The following MAP3K10 variants were observed in gnomAD, a reference collection of about 807,000 sequenced individuals.
MAP3K10 encodes mitogen-activated protein kinase kinase kinase 10, also known as MKN28 derived nonreceptor_type serine/threonine kinase.
MAP3K10 carries 22 observed loss-of-function variants against 75.0 expected under a neutral mutation model. That is an observed-to-expected ratio of 0.29 (90% CI 0.21 to 0.42). The LOEUF (loss-of-function observed/expected upper bound fraction) is 0.42. MAP3K10 is among the 10% of genes least tolerant of loss of function. The pLI, the probability that MAP3K10 is intolerant of heterozygous loss-of-function variation, is 1.00. For missense variants in MAP3K10, 1,165 were observed against 1,379.8 expected (o/e 0.84, Z 2.47); for synonymous variants, 599 against 612.9 (o/e 0.98, Z 0.34).
At chr19:40,193,856 T>C (rs1222993512) in intron 1 of MAP3K10, among the ~76,000 whole-genome samples, 1 of 152,140 alleles carries the variant, frequency 6.6e-6, no homozygotes, top group Non-Finnish European at 1.5e-5. Flanking sequence ...TCACTCACAG[T>C]TAAGCCCCAA....
At position 40,205,368 on chromosome 19, in the gene MAP3K10, A is replaced by T. The variant is rs1599908230; in HGVS notation, c.1188+72A>T. On this transcript the variant is annotated intron_variant, in intron 4 of 9. Coordinates refer to ENST00000253055, the MANE Select transcript of MAP3K10 (RefSeq NM_002446.4). This position sits in a 1 kb window ranked among gnomAD's most constrained non-coding sequence, Gnocchi z 4.3. ...TTCTGATGCCTTGGGCTGCTCAGAGACTCCTCCCCTGAACCCCAGCCTTTG... is the reference window on the plus strand; with the variant it reads ...TTCTGATGCCTTGGGCTGCTCAGAGTCTCCTCCCCTGAACCCCAGCCTTTG... The T allele has an allele frequency of 2.6e-6, 4 of 1,515,452 alleles. No individual in the cohort carries two copies. Among genetic ancestry groups the T allele is most frequent in the Admixed American group, 1.8e-5 (1 of 55,778 alleles). 93.9% of individuals were successfully genotyped at this position (1,515,452 alleles called of 1,614,324 possible).
chr19:40,214,962 C>T lies in MAP3K10; in HGVS notation c.2543-8C>T. 6.7e-7 allele frequency: 1 copy of T among 1,487,106 alleles called. No homozygotes were observed. Among genetic ancestry groups the T allele is most frequent in the Non-Finnish European group, 9.3e-7 (1 of 1,078,636 alleles). 92.1% of individuals were successfully genotyped at this position (1,487,106 alleles called of 1,614,324 possible). A position where few individuals can be genotyped will look rare whatever the true frequency, so the allele number is the denominator to read the frequency against. On this transcript the variant is annotated splice_region_variant and splice_polypyrimidine_tract_variant and intron_variant, in intron 9 of 9. Transcript: ENST00000253055. ...CCCCACTCACCTCCTCTGAACCTCT[C>T]TTACCAGGCCCTCGTGACCTTCTGG...
rs1376300523 is a variant in MAP3K10 at position 40,204,076 on chromosome 19, G to A, written c.864-409G>A. Among the ~76,000 whole-genome samples, 1 of 152,190 alleles carries A rather than the reference G, an allele frequency of 6.6e-6. No individual in the cohort carries two copies. Among genetic ancestry groups the A allele is most frequent in the Non-Finnish European group, 1.5e-5 (1 of 68,042 alleles). On this transcript the variant is annotated intron_variant, in intron 2 of 9. Coordinates refer to ENST00000253055, the MANE Select transcript of MAP3K10 (RefSeq NM_002446.4). The surrounding 1 kb of genome is among the most constrained non-coding windows in gnomAD (Gnocchi z 4.3). ...CCAGGGCCAAGAAGGATGGATTTAGGTGGGATGCAGTGGCTCATGCCTGTA... is the reference window on the plus strand; with the variant it reads ...CCAGGGCCAAGAAGGATGGATTTAGATGGGATGCAGTGGCTCATGCCTGTA...
rs1017427342 is a variant in MAP3K10, at chr19:40,212,676, A to G, written c.1553-129A>G. On this transcript the variant is annotated intron_variant, in intron 6 of 9. Coordinates refer to ENST00000253055, the MANE Select transcript of MAP3K10 (RefSeq NM_002446.4). This position sits in a 1 kb window ranked among gnomAD's most constrained non-coding sequence, Gnocchi z 4.2. ...GGGGAGATATATAGCAGGGAGGGTC[A>G]TGACTGGAGTTCAAAAGAGCCCTTG... The G allele has an allele frequency of 7.7e-6, 9 of 1,162,274 alleles. No homozygotes were observed. The African/African-American group carries it at 1.4e-4, about 18-fold the overall frequency. 72.0% of individuals were successfully genotyped at this position (1,162,274 alleles called of 1,614,324 possible).
chr19:40,192,010 C>A lies in MAP3K10; in HGVS notation c.-22C>A. On this transcript the variant is annotated 5_prime_UTR_variant, in exon 1 of 10. Transcript: ENST00000253055. This position sits in a 1 kb window ranked among gnomAD's most constrained non-coding sequence, Gnocchi z 7.1. ...GGGCAGCCTGTGTGAAGCGGCCTCC[C>A]GCAGCCCCCGGCCCCTCCCCCATGG... 7.2e-7 allele frequency: 1 copy of A among 1,395,672 alleles called. No individual in the cohort carries two copies. Among genetic ancestry groups the A allele is most frequent in the Non-Finnish European group, 9.3e-7 (1 of 1,076,236 alleles). 86.5% of individuals were successfully genotyped at this position (1,395,672 alleles called of 1,614,324 possible). A position where few individuals can be genotyped will look rare whatever the true frequency, so the allele number is the denominator to read the frequency against.
chr19:40,201,794 CTTTTTT>C (rs757199734), intron 2 of MAP3K10, among the ~76,000 whole-genome samples: 1 of 123,414 alleles, frequency 8.1e-6, no homozygotes, highest in Non-Finnish European at 1.7e-5. Flanking sequence ...CACACGCCAG[CTTTTTT>C]TTTTTTTTTT....
At position 40,204,939 on chromosome 19, in the gene MAP3K10, C is replaced by T; in HGVS notation, c.1013-182C>T. The T allele has an allele frequency of 1.5e-6, 1 of 663,232 alleles. No individual in the cohort carries two copies. Among genetic ancestry groups the T allele is most frequent in the East Asian group, 2.6e-5 (1 of 37,764 alleles). 41.1% of individuals were successfully genotyped at this position (663,232 alleles called of 1,614,324 possible). A position where few individuals can be genotyped will look rare whatever the true frequency, so the allele number is the denominator to read the frequency against. ...GGGTGCAGGTCCCAGGGTTTCTCTC[C>T]CAGCGTTTCACTGAGTGGAATTGGC... is the stretch of plus-strand genomic sequence containing the variant. On this transcript the variant is annotated intron_variant, in intron 3 of 9. Transcript: ENST00000253055. This position sits in a 1 kb window ranked among gnomAD's most constrained non-coding sequence, Gnocchi z 4.3.
Position 40,192,419 on chromosome 19 carries a change from G to A in MAP3K10, c.388G>A (p.Asp130Asn). ...GGTGGCAGTCAAGGCCGCCCGGCTG[G>A]ACCCTGAGAAGGACCCGGCAGTGAC... is the stretch of plus-strand genomic sequence containing the variant. ...EEVAVKAARLDPEKDPAVTAE... is the reference protein window; with the variant it reads ...EEVAVKAARLNPEKDPAVTAE... The change falls in exon 1 of 10, where the codon GAC becomes AAC. Residue 130 changes from aspartate (D) to asparagine (N), a missense_variant. Physicochemically the swap from Asp to Asn is conservative, Grantham distance 23. Transcript: ENST00000253055. This position sits in a 1 kb window ranked among gnomAD's most constrained non-coding sequence, Gnocchi z 7.1. The A allele has an allele frequency of 6.2e-7, 1 of 1,614,034 alleles. No homozygotes were observed.
chr19:40,201,663 T>C (rs1473230607), intron 2 of MAP3K10, among the ~76,000 whole-genome samples: 1 of 151,878 alleles, frequency 6.6e-6, no homozygotes, highest in Non-Finnish European at 1.5e-5. Context: ...GCTAATTTTT[T>C]GTAGAGACGA....
intron 1 of MAP3K10, among the ~76,000 whole-genome samples, chr19:40,197,868 A>G (rs958516942): frequency 3.4e-5 from 5 of 149,012 alleles, no homozygotes; most frequent in African/African-American, 4.9e-5. Flanking sequence ...GTCTCACTCT[A>G]TTGCCCAGGC....
At chr19:40,201,097 C>T (rs1324497349) in intron 2 of MAP3K10, among the ~76,000 whole-genome samples, 10 of 152,028 alleles carry the variant, frequency 6.6e-5, no homozygotes, top group Non-Finnish European at 1.5e-4. Flanking sequence ...ACCACTGTTT[C>T]TCCCCCACCT....
rs1973262321 is a variant in MAP3K10 at position 40,212,718 on chromosome 19, G to A, written c.1553-87G>A. The stretch of plus-strand genomic sequence containing the variant: ...GAGCCCTTGGACTCCCAGGCGGAGG[G>A]TGGGCCTGAGCTGGGGGCACTGGAG... On this transcript the variant is annotated intron_variant, in intron 6 of 9. Coordinates refer to ENST00000253055, the MANE Select transcript of MAP3K10 (RefSeq NM_002446.4). This position sits in a 1 kb window ranked among gnomAD's most constrained non-coding sequence, Gnocchi z 4.2. The A allele has an allele frequency of 6.6e-7, 1 of 1,517,484 alleles. No individual in the cohort carries two copies. Among genetic ancestry groups the A allele is most frequent in the African/African-American group, 1.4e-5 (1 of 72,274 alleles). The allele number at this position is 1,517,484 out of a possible 1,614,324, so 94.0% of individuals were successfully genotyped here.
In MAP3K10 at chr19:40,192,061, G is replaced by T; in HGVS notation, c.30G>T (p.Lys10Asn). The T allele has an allele frequency of 6.8e-7, 1 of 1,463,508 alleles. No individual in the cohort carries two copies. Among genetic ancestry groups the T allele is most frequent in the Non-Finnish European group, 9.0e-7 (1 of 1,109,814 alleles). The allele number at this position is 1,463,508 out of a possible 1,614,324, so 90.7% of individuals were successfully genotyped here. The change falls in exon 1 of 10, where the codon AAG (lysine) becomes AAT (asparagine). Residue 10 changes from lysine (K) to asparagine (N), a missense_variant. Lys to Asn is a moderately conservative substitution (Grantham distance 94). Around this residue, in one of 2 missense-constraint regions of MAP3K10, gnomAD observed 575 missense variants for 793.2 expected, o/e 0.72. Coordinates refer to ENST00000253055, the MANE Select transcript of MAP3K10 (RefSeq NM_002446.4). This position sits in a 1 kb window ranked among gnomAD's most constrained non-coding sequence, Gnocchi z 7.1. ...AGGAGGAGGAGGGGGCGGTGGCCAA[G>T]GAGTGGGGCACGACCCCCGCGGGGC... Reference protein sequence around the residue: MEEEEGAVAKEWGTTPAGPV... With the variant: MEEEEGAVANEWGTTPAGPV...
In MAP3K10 at chr19:40,198,483, C is replaced by T. The variant is rs1442370693; in HGVS notation, c.791C>T (p.Ala264Val). The change falls in exon 2 of 10, where the codon GCG becomes GTG. Residue 264 changes from alanine to valine, a missense_variant. Ala to Val is a moderately conservative substitution (Grantham distance 64). Coordinates refer to ENST00000253055, the MANE Select transcript of MAP3K10 (RefSeq NM_002446.4). The surrounding 1 kb of genome is among the most constrained non-coding windows in gnomAD (Gnocchi z 4.3). ...EWHKTTKMSA[A>V]GTYAWMAPEV... ...CACAAGACCACCAAGATGAGCGCTGCGGGGACCTACGCCTGGATGGCGCCG... is the reference window on the plus strand; with the variant it reads ...CACAAGACCACCAAGATGAGCGCTGTGGGGACCTACGCCTGGATGGCGCCG... 1.9e-6 allele frequency: 3 copies of T among 1,614,024 alleles called. No homozygotes were observed. Among genetic ancestry groups the T allele is most frequent in the African/African-American group, 1.3e-5 (1 of 74,930 alleles).
intron 2 of MAP3K10, among the ~76,000 whole-genome samples, chr19:40,200,030 C>T (rs1049491881): frequency 9.2e-5 from 14 of 151,952 alleles, no homozygotes; most frequent in African/African-American, 3.4e-4. Flanking sequence ...CGCGGTGGCT[C>T]ACGCCTGTAA....
chr19:40,207,547 C>A (rs1162144405), intron 5 of MAP3K10, among the ~76,000 whole-genome samples: 1 of 152,040 alleles, frequency 6.6e-6, no homozygotes, highest in Admixed American at 6.6e-5. Flanking sequence ...ACCAGCCTGA[C>A]CAACATGGAG....
At chr19:40,203,392 A>T (rs901390662) in intron 2 of MAP3K10, among the ~76,000 whole-genome samples, 1 of 151,930 alleles carries the variant, frequency 6.6e-6, no homozygotes, top group Admixed American at 6.6e-5. Context: ...GAGACCAGGG[A>T]TCTACTCCAG....
rs1320173256 is a variant in MAP3K10 at position 40,198,372 on chromosome 19, C to T, written c.683-3C>T. 1.9e-6 allele frequency: 3 copies of T among 1,609,716 alleles called. No individual in the cohort carries two copies. Among genetic ancestry groups the T allele is most frequent in the Non-Finnish European group, 2.5e-6 (3 of 1,177,572 alleles). ...GTGACCCACCTTTCTTCCCACCCCA[C>T]AGTCCTGATCCTGGAGGCCATCGAG... On this transcript the variant is annotated splice_polypyrimidine_tract_variant and splice_region_variant and intron_variant, in intron 1 of 9. Transcript: ENST00000253055. The surrounding 1 kb of genome is among the most constrained non-coding windows in gnomAD (Gnocchi z 4.3).
rs544988529 is a variant in MAP3K10 at position 40,213,563 on chromosome 19, C to T, written c.1884C>T (p.Ser628=). Reference sequence around the variant, plus strand: ...ATGGAGGCAGCAGCGTGCCCCCTTCCCCCTACTCGACCCCGTCCTACCTCT... The same window carrying T: ...ATGGAGGCAGCAGCGTGCCCCCTTCTCCCTACTCGACCCCGTCCTACCTCT... ...AEDGGSSVPP[S]PYSTPSYLSV... Residue 628 remains serine, a synonymous_variant, in exon 9 of 10, where the codon TCC becomes TCT. Transcript: ENST00000253055. This position sits in a 1 kb window ranked among gnomAD's most constrained non-coding sequence, Gnocchi z 5.7. The T allele has an allele frequency of 1.9e-6, 3 of 1,611,486 alleles. No individual in the cohort carries two copies. The East Asian group carries it at 6.7e-5, about 36-fold the overall frequency.
Sources: allele counts gnomAD v4.1 joint callset (sites outside exome capture counted in the v4.1 genomes callset), GRCh38; gene constraint gnomAD v4.1.1; regional missense constraint gnomAD v4.1.1; non-coding constraint Gnocchi (gnomAD v3.1); transcripts MANE v1.5; gene names NCBI Gene and HGNC (gene_info 2026-07-23, HGNC 2026-07-21).